Variants in METTL22 observed in about 807,000 individuals in gnomAD.
METTL22 encodes the protein methyltransferase 22, Kin17 lysine, also known as methyltransferase-like protein 22.
In METTL22, 51 loss-of-function variants were observed where a neutral mutation model predicts 48.4. The observed-to-expected ratio is 1.05, with a 90% confidence interval of 0.84 to 1.33. The LOEUF (loss-of-function observed/expected upper bound fraction) is 1.33. METTL22 is among the 40% of genes most tolerant of loss of function. The pLI is 0.00. For missense variants in METTL22, 678 were observed against 526.9 expected, an observed-to-expected ratio of 1.29 and a Z score of -2.81; for synonymous variants, 255 against 214.1, an observed-to-expected ratio of 1.19 and a Z score of -1.67.
At chr16:8,635,395 CACTGGAAA>C in intron 5 of METTL22, 83 bp downstream of exon 5, 11 of 1,455,300 alleles carry the variant, frequency 7.6e-6, no homozygotes, top group South Asian at 2.9e-5. Context: ...GAGGCAGAGG[CACTGGAAA>C]TTGGATGTTA....
rs541133244 is a variant in METTL22, at chr16:8,646,373, G to C, written c.*230G>C. On this transcript the variant is annotated 3_prime_UTR_variant, in exon 11 of 11. Coordinates refer to ENST00000381920, the MANE Select transcript of METTL22 (RefSeq NM_024109.4). ...GTCACTTTAGTTGCCTGTTTCTCAT[G>C]GTTGTGATGTGTGCTCCAGGGTCAA... The C allele has an allele frequency of 6.3e-4, 443 of 701,580 alleles. 1 individual carries two copies. The Middle Eastern group carries it at 0.012, about 20-fold the overall frequency. The allele number at this position is 701,580 out of a possible 1,614,324, so 43.5% of individuals were successfully genotyped here.
At chr16:8,631,058 A>C (rs933206017) in intron 3 of METTL22, among the ~76,000 whole-genome samples, 1 of 152,164 alleles carries the variant, frequency 6.6e-6, no homozygotes, top group African/African-American at 2.4e-5. Flanking sequence ...GTGATAATTT[A>C]TTGAAACATG....
intron 10 of METTL22, among the ~76,000 whole-genome samples, chr16:8,645,677 G>A (rs2056764621): frequency 6.6e-6 from 1 of 152,194 alleles, no homozygotes; most frequent in Non-Finnish European, 1.5e-5. Context: ...TCTGGAAGCT[G>A]AGGTGGGAGG....
At chr16:8,634,103 A>G (rs1184638768) in intron 3 of METTL22, among the ~76,000 whole-genome samples, 1 of 152,236 alleles carries the variant, frequency 6.6e-6, no homozygotes, top group Non-Finnish European at 1.5e-5. Flanking sequence ...AAATCTAGCC[A>G]AGATGCTGGT....
chr16:8,627,573 C>G (rs2056103808), intron 2 of METTL22, among the ~76,000 whole-genome samples: 1 of 152,018 alleles, frequency 6.6e-6, no homozygotes, highest in Admixed American at 6.6e-5. Flanking sequence ...TACATTATAC[C>G]AGGGGTATAC....
At chr16:8,637,977 A>G (rs1421461442) in intron 5 of METTL22, among the ~76,000 whole-genome samples, 2 of 16,696 alleles carry the variant, frequency 1.2e-4, no homozygotes, top group Admixed American at 9.4e-4. Context: ...ATCTGTACTA[A>G]AAATACAAAA....
chr16:8,644,638 G>C lies in METTL22; in HGVS notation c.1092G>C (p.Gln364His), dbSNP rs202215011. Reference protein sequence around the residue: ...HFRSCLHALEQLADGKLRFVV... With the variant: ...HFRSCLHALEHLADGKLRFVV... ...GCTCCTGCCTGCACGCGCTGGAGCA[G>C]CTCGCAGATGGCAAGCTGCGCTTCG... The change falls in exon 10 of 11, where the codon CAG (glutamine) becomes CAC (histidine). Residue 364 changes from glutamine to histidine, a missense_variant. By Grantham distance (24) the Gln-to-His change is conservative (BLOSUM62 0). Transcript: ENST00000381920. 6.2e-7 allele frequency: 1 copy of C among 1,607,482 alleles called. No individual in the cohort carries two copies. Among genetic ancestry groups the C allele is most frequent in the South Asian group, 1.1e-5 (1 of 89,650 alleles).
rs370643841 is a variant in METTL22 at position 8,642,166 on chromosome 16, C to G, written c.866C>G (p.Ser289Cys). 1 of 1,613,918 alleles carries G rather than the reference C, an allele frequency of 6.2e-7. No homozygotes were observed. Among genetic ancestry groups the G allele is most frequent in the South Asian group, 1.1e-5 (1 of 91,080 alleles). Residue 289 changes from serine to cysteine, a missense_variant, in exon 8 of 11, where the codon TCT (serine) becomes TGT (cysteine). Transcript: ENST00000381920. ...TTCAGTTGGTCACAAGAGGAAATTT[C>G]TGACTTGTACGATCACACCACCATC... ...VPFSWSQEEISDLYDHTTILF... is the reference protein window; with the variant it reads ...VPFSWSQEEICDLYDHTTILF...
chr16:8,643,342 A>G (rs1213165672), intron 9 of METTL22, among the ~76,000 whole-genome samples: 1 of 152,248 alleles, frequency 6.6e-6, no homozygotes, highest in Non-Finnish European at 1.5e-5. Flanking sequence ...CTGATTTCAT[A>G]AACTGTAAAG....
At chr16:8,632,476 G>A (rs1237813085) in intron 3 of METTL22, among the ~76,000 whole-genome samples, 1 of 152,170 alleles carries the variant, frequency 6.6e-6, no homozygotes, top group Non-Finnish European at 1.5e-5. Context: ...AAAGTGCTGG[G>A]ATTATAGGTG....
At chr16:8,660,629 G>C in the METTL22 span, among the ~76,000 whole-genome samples, 5 of 151,872 alleles carry the variant, frequency 3.3e-5, no homozygotes, top group African/African-American at 1.2e-4. Context: ...CTGACTTTAA[G>C]ATAATTATGT....
At chr16:8,658,582 C>T in the METTL22 span, among the ~76,000 whole-genome samples, 1 of 152,210 alleles carries the variant, frequency 6.6e-6, no homozygotes, top group Non-Finnish European at 1.5e-5. Flanking sequence ...CTCATATCCT[C>T]AGGTGAATAC....
At chr16:8,632,688 T>G (rs1488378590) in intron 3 of METTL22, among the ~76,000 whole-genome samples, 1 of 152,190 alleles carries the variant, frequency 6.6e-6, no homozygotes, top group Non-Finnish European at 1.5e-5. Context: ...GGTTAAACAC[T>G]GTTACAGCCT....
At chr16:8,624,429 G>A (rs1231026031) in intron 1 of METTL22, among the ~76,000 whole-genome samples, 1 of 150,102 alleles carries the variant, frequency 6.7e-6, no homozygotes, top group Non-Finnish European at 1.5e-5. Context: ...CTGGAGTGCA[G>A]AGTGCAGTGA....
the METTL22 span, among the ~76,000 whole-genome samples, chr16:8,660,857 G>T: frequency 5.0e-5 from 1 of 20,120 alleles, no homozygotes; most frequent in Non-Finnish European, 1.6e-4. Context: ...GGGGGAGGAG[G>T]AAGAGGAGGA....
At position 8,646,322 on chromosome 16, in the gene METTL22, GAGA is replaced by G; in HGVS notation, c.*182_*184del. ...TGTCCCTGCCTCCCAGTTGTAGCCA[GAGA>G]AGGTTGTTGCTGTGGGCTGGAGGTC... is the stretch of plus-strand genomic sequence containing the variant. On this transcript the variant is annotated 3_prime_UTR_variant, in exon 11 of 11. Transcript: ENST00000381920. 1.2e-6 allele frequency: 1 copy of G among 809,184 alleles called. No individual in the cohort carries two copies. Among genetic ancestry groups the G allele is most frequent in the Non-Finnish European group, 2.1e-6 (1 of 481,440 alleles). 50.1% of individuals were successfully genotyped at this position (809,184 alleles called of 1,614,324 possible). A position where few individuals can be genotyped will look rare whatever the true frequency, so the allele number is the denominator to read the frequency against.
the METTL22 span, among the ~76,000 whole-genome samples, chr16:8,660,816 A>AGGG: frequency 2.0e-3 from 4 of 2,002 alleles, no homozygotes; most frequent in African/African-American, 4.0e-3. Context: ...GAGGAGGAGG[A>AGGG]GGAGGAGGAG....
At position 8,629,024 on chromosome 16, in the gene METTL22, A is replaced by C; in HGVS notation, c.428A>C (p.Lys143Thr). Residue 143 changes from lysine to threonine, a missense_variant, in exon 3 of 11, where the codon AAG becomes ACG. Lys to Thr is a moderately conservative substitution (Grantham distance 78, BLOSUM62 -1). Transcript: ENST00000381920. Reference sequence around the variant, plus strand: ...AACCCAGCAGGGCCTCTGAGAGACAAGGTACATCCCATGATTCTAGCACAG... The same window carrying C: ...AACCCAGCAGGGCCTCTGAGAGACACGGTACATCCCATGATTCTAGCACAG... Reference protein sequence around the residue: ...DSNPAGPLRDKVHPMILAQEE... With the variant: ...DSNPAGPLRDTVHPMILAQEE... 1 of 1,614,104 alleles carries C rather than the reference A, an allele frequency of 6.2e-7. No individual in the cohort carries two copies. Among genetic ancestry groups the C allele is most frequent in the Non-Finnish European group, 8.5e-7 (1 of 1,180,028 alleles).
chr16:8,633,278 T>C (rs1025253250), intron 3 of METTL22, among the ~76,000 whole-genome samples: 1 of 152,006 alleles, frequency 6.6e-6, no homozygotes, highest in Non-Finnish European at 1.5e-5. Context: ...TGGTTCAGAT[T>C]CTACATCTCC....
Sources: gnomAD v4.1 joint callset for allele counts (sites outside exome capture counted in the v4.1 genomes callset) on GRCh38, gnomAD v4.1.1 for gene constraint, MANE v1.5 for transcripts, NCBI Gene and HGNC (gene_info 2026-07-23, HGNC 2026-07-21) for gene names.